ANGPTL1: variants seen among roughly 807,000 people sequenced by gnomAD.
ANGPTL1 encodes angiopoietin like 1.
A neutral mutation model predicts 46.7 loss-of-function variants in ANGPTL1; 36 were observed. That is an observed-to-expected ratio of 0.77 (90% CI 0.59 to 1.02). The LOEUF (loss-of-function observed/expected upper bound fraction) is 1.02, where lower values mean the gene tolerates loss of function less well. ANGPTL1 is among the 50% of genes least tolerant of loss of function. ANGPTL1 has a pLI of 0.00. For missense variants in ANGPTL1, 571 were observed against 594.7 expected (o/e 0.96, Z 0.41); for synonymous variants, 221 against 204.3 (o/e 1.08, Z -0.69).
intron 3 of ANGPTL1, among the ~76,000 whole-genome samples, chr1:178,859,127 T>C (rs1386590677): frequency 7.6e-6 from 1 of 131,780 alleles, no homozygotes; most frequent in Non-Finnish European, 1.6e-5. Context: ...TTAAACTGTA[T>C]TTAGCAACCC....
At position 178,852,743 on chromosome 1, in the gene ANGPTL1, T is replaced by C; in HGVS notation, c.1228A>G (p.Met410Val). The change falls in exon 5 of 6, where the codon ATG (methionine) becomes GTG (valine). Residue 410 changes from methionine (M) to valine (V), a missense_variant. Physicochemically the swap from Met to Val is conservative, Grantham distance 21. Coordinates refer to ENST00000234816, the MANE Select transcript of ANGPTL1 (RefSeq NM_004673.4). ...GTYQGNAGDS[M>V]MWHNGKQFTT... The stretch of plus-strand genomic sequence containing the variant: ...AATTGTTTACCATTATGCCACATCA[T>C]AGAATCCCCTGCATTTCCCTGGTAA... The C allele has an allele frequency of 6.2e-7, 1 of 1,613,910 alleles. No individual in the cohort carries two copies.
Position 178,851,169 on chromosome 1 carries a change from G to A in ANGPTL1, c.1436C>T (p.Ser479Phe), listed in dbSNP as rs756057313. Reference sequence around the variant, plus strand: ...GATCATCATCTGAACTGCTCTTAAGGAGTATGACCCGCCTCTGTATTCGGC... The same window carrying A: ...GATCATCATCTGAACTGCTCTTAAGAAGTATGACCCGCCTCTGTATTCGGC... ...FWAEYRGGSY[S>F]LRAVQMMIKP... Residue 479 changes from serine (S) to phenylalanine (F), a missense_variant, in exon 6 of 6, where the codon TCC becomes TTC. Ser to Phe is a radical substitution (Grantham distance 155). Coordinates refer to ENST00000234816, the MANE Select transcript of ANGPTL1 (RefSeq NM_004673.4). 5.0e-6 allele frequency: 8 copies of A among 1,613,872 alleles called. No individual in the cohort carries two copies. The highest frequency in any genetic ancestry group is 3.3e-5 in the South Asian group (3 of 91,066).
chr1:178,860,727 A>T (rs940423653), intron 3 of ANGPTL1, among the ~76,000 whole-genome samples: 2 of 152,288 alleles, frequency 1.3e-5, no homozygotes, highest in Non-Finnish European at 2.9e-5. Flanking sequence ...ACACCTCTTA[A>T]AATATACATT....
At chr1:178,864,917 C>A in intron 3 of ANGPTL1, 37 bp downstream of exon 3, 2 of 1,354,864 alleles carry the variant, frequency 1.5e-6, no homozygotes, top group African/African-American at 1.5e-5. Flanking sequence ...AAATATAAAC[C>A]TCATACTCCC....
chr1:178,864,847 C>G, intron 3 of ANGPTL1, 107 bp downstream of exon 3: 1 of 672,706 alleles, frequency 1.5e-6, no homozygotes, highest in Admixed American at 3.9e-5. Context: ...TTTTAATGTA[C>G]ATATATAACA....
chr1:178,851,282 C>T lies in ANGPTL1; in HGVS notation c.1323G>A (p.Trp441Ter), dbSNP rs1657156836. Residue 441 changes from tryptophan to a stop codon, truncating the protein, a stop_gained, in exon 6 of 6, where the codon TGG becomes TGA. Transcript: ENST00000234816. LOFTEE classifies it high-confidence loss of function. ...NCAHFHKGGWWYNACAHSNLN... is the reference protein window; with the variant it reads ...NCAHFHKGGW ...GGTTAGAATGTGCACAGGCATTGTACCACCAGCCTCCTTTATGAAAGTGGG... is the reference window on the plus strand; with the variant it reads ...GGTTAGAATGTGCACAGGCATTGTATCACCAGCCTCCTTTATGAAAGTGGG... 3 of 1,611,696 alleles carry T rather than the reference C, an allele frequency of 1.9e-6. No homozygotes were observed. The African/African-American group carries it at 4.0e-5, about 22-fold the overall frequency.
At chr1:178,859,207 G>T (rs1409639134) in intron 3 of ANGPTL1, among the ~76,000 whole-genome samples, 1 of 151,862 alleles carries the variant, frequency 6.6e-6, no homozygotes, top group Non-Finnish European at 1.5e-5. Flanking sequence ...TTTTCCAACA[G>T]CACCTTGGCT....
At chr1:178,861,500 A>G (rs888569999) in intron 3 of ANGPTL1, among the ~76,000 whole-genome samples, 3 of 151,534 alleles carry the variant, frequency 2.0e-5, no homozygotes, top group African/African-American at 7.3e-5. Context: ...TAGAATTGGT[A>G]TGTTTCATTT....
intron 3 of ANGPTL1, among the ~76,000 whole-genome samples, chr1:178,861,273 A>G (rs1657992162): frequency 6.6e-6 from 1 of 152,214 alleles, no homozygotes; most frequent in Non-Finnish European, 1.5e-5. Flanking sequence ...TAAAAAGTTA[A>G]TGTTTACATA....
chr1:178,851,383 A>G, intron 5 of ANGPTL1, 67 bp from the exon 6 acceptor site: 2 of 1,386,092 alleles, frequency 1.4e-6, no homozygotes, highest in Non-Finnish European at 1.9e-6. Flanking sequence ...GCAATCATAA[A>G]AAACTTATTC....
intron 3 of ANGPTL1, among the ~76,000 whole-genome samples, chr1:178,856,047 A>G (rs946074435): frequency 1.3e-5 from 2 of 149,264 alleles, no homozygotes; most frequent in Non-Finnish European, 3.0e-5. Context: ...GTCAAATTTT[A>G]TATTTTACTA....
intron 3 of ANGPTL1, 56 bp downstream of exon 3, chr1:178,864,898 A>G: frequency 1.7e-6 from 2 of 1,173,992 alleles, no homozygotes; most frequent in South Asian, 2.8e-5. Flanking sequence ...ATTGTTTCAT[A>G]AGGCATAAAA....
chr1:178,856,463 TTGAACTCCAGGTCTCAAG>T (rs1045242138), intron 3 of ANGPTL1, among the ~76,000 whole-genome samples: 16 of 134,526 alleles, frequency 1.2e-4, no homozygotes, highest in Middle Eastern at 3.8e-3. Context: ...CAGGGTGGTC[TTGAACTCCAGGTCTCAAG>T]TGAACTCCAG....
Position 178,851,089 on chromosome 1 carries a change from TA to T in ANGPTL1, c.*39del. The T allele has an allele frequency of 1.3e-6, 2 of 1,555,132 alleles. No homozygotes were observed. The highest frequency in any genetic ancestry group is 1.7e-6 in the Non-Finnish European group (2 of 1,149,180). On this transcript the variant is annotated 3_prime_UTR_variant, in exon 6 of 6. Transcript: ENST00000234816. ...ATTTACATTTTTAAGAGCTGAAAAG[TA>T]CAAAGTTCTGTGTCATTTAAATTGG...
chr1:178,865,095 G>A lies in ANGPTL1; in HGVS notation c.682C>T (p.Gln228Ter). Residue 228 changes from glutamine (Q) to a stop codon, truncating the protein, a stop_gained, in exon 3 of 6, where the codon CAG becomes TAG. Coordinates refer to ENST00000234816, the MANE Select transcript of ANGPTL1 (RefSeq NM_004673.4). LOFTEE classifies it high-confidence loss of function. ...VVPQHIPNSQ[Q>*]YTPGLLGGNE... is the part of the protein sequence containing the mutation. ...CCTCCCAGCAGACCAGGAGTATACT[G>A]TTGGCTGTTAGGAATATGTTGTGGC... is the stretch of plus-strand genomic sequence containing the variant. The A allele has an allele frequency of 1.3e-6, 2 of 1,563,330 alleles. No homozygotes were observed. The highest frequency in any genetic ancestry group is 8.7e-7 in the Non-Finnish European group (1 of 1,152,604).
intron 3 of ANGPTL1, 108 bp downstream of exon 3, chr1:178,864,846 A>G (rs1658274778): frequency 3.0e-6 from 2 of 658,190 alleles, no homozygotes; most frequent in Admixed American, 3.9e-5. Flanking sequence ...ATTTTAATGT[A>G]CATATATAAC....
chr1:178,870,921 AT>A lies in ANGPTL1; in HGVS notation c.-318del, dbSNP rs369479007. 6.6e-5 allele frequency: 10 copies of A among 152,290 alleles called. No individual in the cohort carries two copies. Among genetic ancestry groups the A allele is most frequent in the African/African-American group, 2.4e-4 (10 of 41,554 alleles). 9.4% of individuals were successfully genotyped at this position (152,290 alleles called of 1,614,324 possible). On this transcript the variant is annotated 5_prime_UTR_variant, in exon 1 of 6. It removes the in-frame stop codon of an upstream open reading frame in the 5' UTR. Coordinates refer to ENST00000234816, the MANE Select transcript of ANGPTL1 (RefSeq NM_004673.4). The stretch of plus-strand genomic sequence containing the variant: ...TCCTTTTACAATACTAATCAATTGA[AT>A]TTGACAAGCCACCTATGTAATTTTA...
intron 3 of ANGPTL1, 110 bp downstream of exon 3, chr1:178,864,844 G>T: frequency 1.6e-6 from 1 of 634,178 alleles, no homozygotes; most frequent in Non-Finnish European, 2.3e-6. Flanking sequence ...AAATTTTAAT[G>T]TACATATATA....
intron 3 of ANGPTL1, among the ~76,000 whole-genome samples, chr1:178,858,113 G>A (rs1257377887): frequency 1.3e-5 from 2 of 152,080 alleles, no homozygotes; most frequent in East Asian, 3.8e-4. Flanking sequence ...ATAAAATTTA[G>A]CAGTGCCTAA....
Sources: allele counts gnomAD v4.1 joint callset (sites outside exome capture counted in the v4.1 genomes callset), GRCh38; gene constraint gnomAD v4.1.1; transcripts MANE v1.5; gene names NCBI Gene and HGNC (gene_info 2026-07-23, HGNC 2026-07-21).